Variants in MAP2 observed in about 807,000 individuals in gnomAD.
MAP2 encodes the protein microtubule associated protein 2, also known as microtubule-associated protein 2.
MAP2 carries 14 observed loss-of-function variants against 137.6 expected under a neutral mutation model. The ratio of observed to expected loss-of-function variants is 0.10; its 90% CI spans 0.07 to 0.16. The LOEUF (loss-of-function observed/expected upper bound fraction) is 0.16. MAP2 is among the 10% of genes least tolerant of loss of function. MAP2 has a pLI of 1.00. For synonymous variants in MAP2, 786 were observed against 782.3 expected, an observed-to-expected ratio of 1.00 and a Z score of -0.08; for missense variants, 2,088 against 2,191.5, an observed-to-expected ratio of 0.95 and a Z score of 0.94.
intron 5 of MAP2, chr2:209,661,431 T>G (rs1040877098): frequency 2.5e-6 from 2 of 804,060 alleles, no homozygotes; most frequent in Non-Finnish European, 3.0e-6. Context: ...TGCCAACCAC[T>G]CATTGCTCTG....
chr2:209,600,040 A>G (rs559225119), intron 3 of MAP2, among the ~76,000 whole-genome samples: 55 of 152,316 alleles, frequency 3.6e-4, no homozygotes, highest in African/African-American at 1.3e-3. Flanking sequence ...TTGAAACTGA[A>G]TGGTAAAGTT....
At chr2:209,638,424 A>G (rs1232995339) in intron 4 of MAP2, among the ~76,000 whole-genome samples, 1 of 152,146 alleles carries the variant, frequency 6.6e-6, no homozygotes, top group Non-Finnish European at 1.5e-5. Context: ...AATCACAATT[A>G]CAGCTGCAGT....
intron 13 of MAP2, among the ~76,000 whole-genome samples, chr2:209,713,311 C>T (rs777105702): frequency 5.3e-5 from 8 of 150,640 alleles, no homozygotes; most frequent in Admixed American, 5.3e-4. Context: ...ATTAATTGCT[C>T]TTCTGTATGT....
At chr2:209,514,305 A>C (rs904548912) in intron 2 of MAP2, among the ~76,000 whole-genome samples, 6 of 152,092 alleles carry the variant, frequency 3.9e-5, no homozygotes, top group African/African-American at 1.4e-4. Flanking sequence ...TGCAGCTTCA[A>C]ATGTCTTTGG....
intron 5 of MAP2, among the ~76,000 whole-genome samples, chr2:209,664,552 CAAAA>C (rs1295812576): frequency 6.7e-6 from 1 of 149,748 alleles, no homozygotes; most frequent in Non-Finnish European, 1.5e-5. Flanking sequence ...CTGTCTCAAA[CAAAA>C]AAACAAAAAG....
chr2:209,487,064 T>C (rs2058481029), intron 1 of MAP2, among the ~76,000 whole-genome samples: 1 of 152,226 alleles, frequency 6.6e-6, no homozygotes, highest in South Asian at 2.1e-4. Context: ...AATGATAATA[T>C]TAAAATGTAT....
chr2:209,481,006 C>T (rs886195737), intron 1 of MAP2, among the ~76,000 whole-genome samples: 1 of 152,134 alleles, frequency 6.6e-6, no homozygotes, highest in Non-Finnish European at 1.5e-5. Context: ...CCAGTACCTT[C>T]GAGGTTACAA....
chr2:209,695,539 G>A lies in MAP2; in HGVS notation c.3369G>A (p.Glu1123=), dbSNP rs1244504284. The A allele has an allele frequency of 2.5e-6, 4 of 1,614,004 alleles. No individual in the cohort carries two copies. The highest frequency in any genetic ancestry group is 2.7e-5 in the African/African-American group (2 of 74,914). The change falls in exon 8 of 16, where the codon GAG becomes GAA. Residue 1123 remains glutamate, a synonymous_variant. Coordinates refer to ENST00000682079, the MANE Select transcript of MAP2 (RefSeq NM_001375505.1). ...KVAKPDLVHQ[E]AVDKEESYES... is the part of the protein sequence containing the mutation. ...CCAAGCCTGACTTGGTGCACCAGGAGGCTGTAGACAAGGAGGAGTCCTATG... is the reference window on the plus strand; with the variant it reads ...CCAAGCCTGACTTGGTGCACCAGGAAGCTGTAGACAAGGAGGAGTCCTATG...
At chr2:209,588,023 G>T (rs1452148998) in intron 3 of MAP2, among the ~76,000 whole-genome samples, 1 of 152,116 alleles carries the variant, frequency 6.6e-6, no homozygotes, top group African/African-American at 2.4e-5. Context: ...ATGTTAACAG[G>T]CACCTTTGCA....
At chr2:209,660,559 AT>A (rs535880574) in intron 5 of MAP2, among the ~76,000 whole-genome samples, 2 of 143,350 alleles carry the variant, frequency 1.4e-5, no homozygotes. Context: ...AGCCCGGCTA[AT>A]TTTTTTTGTA....
intron 2 of MAP2, among the ~76,000 whole-genome samples, chr2:209,558,905 A>G (rs1418372542): frequency 6.6e-6 from 1 of 152,052 alleles, no homozygotes; most frequent in East Asian, 1.9e-4. Context: ...AAATAACCAA[A>G]TAGATGATAT....
intron 2 of MAP2, among the ~76,000 whole-genome samples, chr2:209,545,457 A>G (rs1039714298): frequency 2.0e-5 from 3 of 151,496 alleles, no homozygotes; most frequent in South Asian, 2.1e-4. Context: ...TTGAATAAAC[A>G]TTAATTAGTT....
chr2:209,645,457 A>T (rs183603016), intron 4 of MAP2, among the ~76,000 whole-genome samples: 226 of 111,414 alleles, frequency 2.0e-3, no homozygotes, highest in Non-Finnish European at 3.3e-3. Context: ...GAAATACTTT[A>T]AAAAAAAAAC....
intron 7 of MAP2, chr2:209,690,501 T>G: frequency 2.4e-4 from 213 of 896,254 alleles, no homozygotes; most frequent in Non-Finnish European, 2.9e-4. Flanking sequence ...GAGGTCTTCA[T>G]GAGGTCATTC....
intron 5 of MAP2, among the ~76,000 whole-genome samples, chr2:209,654,026 G>C (rs1226922803): frequency 6.6e-6 from 1 of 152,154 alleles, no homozygotes; most frequent in East Asian, 1.9e-4. Context: ...TAACATGTAA[G>C]TGCCACATGA....
At chr2:209,594,345 T>C (rs570681700) in intron 3 of MAP2, among the ~76,000 whole-genome samples, 1 of 152,076 alleles carries the variant, frequency 6.6e-6, no homozygotes. Flanking sequence ...AAGGGTCAAA[T>C]GTAGTAGCAA....
chr2:209,428,940 TTTA>T (rs1325556345), intron 1 of MAP2, among the ~76,000 whole-genome samples: 2 of 31,674 alleles, frequency 6.3e-5, no homozygotes, highest in East Asian at 6.1e-4. Flanking sequence ...TATTTATTTA[TTTA>T]TTTATTTATT....
In MAP2 at chr2:209,696,125, G is replaced by C. The variant is rs1372721775; in HGVS notation, c.3955G>C (p.Val1319Leu). 1.9e-6 allele frequency: 3 copies of C among 1,613,414 alleles called. No homozygotes were observed. The highest frequency in any genetic ancestry group is 2.2e-5 in the East Asian group (1 of 44,862). Residue 1319 changes from valine (V) to leucine (L), a missense_variant, in exon 8 of 16, where the codon GTG becomes CTG. This residue lies in a region of MAP2 where 591 missense variants were observed against 642.6 expected (regional missense o/e 0.92). Coordinates refer to ENST00000682079, the MANE Select transcript of MAP2 (RefSeq NM_001375505.1). ...VRFAALEQPEVERRPSPHDEE... is the reference protein window; with the variant it reads ...VRFAALEQPELERRPSPHDEE... ...TTTTGCAGCCCTAGAGCAGCCTGAG[G>C]TGGAAAGGAGACCATCTCCTCATGA...
chr2:209,707,560 T>G (rs74535383), intron 12 of MAP2, among the ~76,000 whole-genome samples: 1,563 of 151,420 alleles, frequency 0.01, 19 homozygotes, highest in African/African-American at 0.036. Flanking sequence ...CCATTGTCAT[T>G]GAGGAGTTGA....
Sources: gnomAD v4.1 joint callset for allele counts (sites outside exome capture counted in the v4.1 genomes callset) on GRCh38, gnomAD v4.1.1 for gene constraint, gnomAD v4.1.1 regional missense constraint, MANE v1.5 for transcripts, NCBI Gene and HGNC (gene_info 2026-07-23, HGNC 2026-07-21) for gene names.